Variants in USP30 observed in about 807,000 individuals in gnomAD.
USP30 encodes ubiquitin carboxyl-terminal hydrolase 30.
Under a neutral mutation model 68.2 loss-of-function variants are expected in USP30, and 41 were observed. The observed-to-expected ratio is 0.60, with a 90% CI of 0.47 to 0.78. The LOEUF (loss-of-function observed/expected upper bound fraction) is 0.78. USP30 is among the 30% of genes least tolerant of loss of function. USP30 has a pLI of 0.00. For missense variants in USP30, 522 were observed against 649.4 expected (o/e 0.80, Z 2.13); for synonymous variants, 229 against 253.7 (o/e 0.90, Z 0.93).
chr12:109,081,474 C>T, intron 8 of USP30, 81 bp downstream of exon 8: 1 of 1,421,908 alleles, frequency 7.0e-7, no homozygotes, highest in Non-Finnish European at 9.9e-7. Flanking sequence ...TTTTATGTGG[C>T]TCAGGCACTA....
At chr12:109,071,337 G>C (rs1431267671) in intron 4 of USP30, among the ~76,000 whole-genome samples, 1 of 152,204 alleles carries the variant, frequency 6.6e-6, no homozygotes, top group Non-Finnish European at 1.5e-5. Context: ...GGAGGTCAAG[G>C]CTGTCTCAGT....
chr12:109,040,501 A>G (rs1449419054), intron 3 of USP30, among the ~76,000 whole-genome samples: 1 of 152,202 alleles, frequency 6.6e-6, no homozygotes, highest in African/African-American at 2.4e-5. Context: ...TTGTTATCCC[A>G]CACAGTTTCT....
rs754892664 is a variant in USP30, at chr12:109,082,760, C to T, written c.948+17C>T. 11 of 1,612,592 alleles carry T rather than the reference C, an allele frequency of 6.8e-6. No individual in the cohort carries two copies. Among genetic ancestry groups the T allele is most frequent in the Non-Finnish European group, 9.3e-6 (11 of 1,179,198 alleles). On this transcript the variant is annotated intron_variant, in intron 10 of 12. Coordinates refer to ENST00000257548, the MANE Select transcript of USP30 (RefSeq NM_032663.5). ...CTAGGGAAGGTGAGCCCACACTACA[C>T]ACCCTGTTGGCTTTGTTTTGAGGAC... is the stretch of plus-strand genomic sequence containing the variant.
chr12:109,056,857 T>C (rs1422415003), intron 2 of USP30, 66 bp downstream of exon 2: 2 of 1,167,896 alleles, frequency 1.7e-6, no homozygotes, highest in Admixed American at 2.6e-5. Context: ...CTGAAAACAG[T>C]ACAAAGAAGG....
intron 2 of USP30, 129 bp from the exon 3 acceptor site, chr12:109,057,797 T>G (rs2040922259): frequency 9.6e-7 from 1 of 1,042,210 alleles, no homozygotes; most frequent in Non-Finnish European, 1.4e-6. Context: ...CAGATCTCTG[T>G]GGATAAGGAT....
intron 7 of USP30, 138 bp from the exon 8 acceptor site, chr12:109,081,196 A>T: frequency 1.3e-6 from 1 of 743,252 alleles, no homozygotes; most frequent in Non-Finnish European, 2.2e-6. Context: ...ATAGAATTTT[A>T]TTCTAAGTAC....
At chr12:109,054,533 A>AAAAAAAT (rs1555256997) in intron 1 of USP30, 2 of 151,690 alleles carry the variant, frequency 1.3e-5, no homozygotes, top group African/African-American at 4.8e-5. Context: ...CTGTCTCAAA[A>AAAAAAAT]AAAAATAAAA....
chr12:109,076,841 C>T (rs1253856791), intron 7 of USP30, among the ~76,000 whole-genome samples: 1 of 150,346 alleles, frequency 6.7e-6, no homozygotes, highest in African/African-American at 2.4e-5. Flanking sequence ...ACGCCATTCT[C>T]CTGCCTCAGC....
At chr12:109,078,351 GAGGCC>G (rs927197024) in intron 7 of USP30, among the ~76,000 whole-genome samples, 3 of 151,946 alleles carry the variant, frequency 2.0e-5, no homozygotes, top group Admixed American at 1.3e-4. Context: ...TTGAACCCAG[GAGGCC>G]GATGTTGTGG....
chr12:109,068,026 G>A (rs112357511), intron 4 of USP30, among the ~76,000 whole-genome samples: 190 of 152,158 alleles, frequency 1.2e-3, no homozygotes, highest in African/African-American at 4.1e-3. Flanking sequence ...ATCAATCTTC[G>A]GAGCTTTGCT....
At chr12:109,082,053 G>A (rs1566106078) in intron 9 of USP30, 34 bp downstream of exon 9, 2 of 1,609,678 alleles carry the variant, frequency 1.2e-6, no homozygotes, top group Non-Finnish European at 1.7e-6. Context: ...ATCGCCAGCT[G>A]GCCTGTGTGT....
intron 3 of USP30, among the ~76,000 whole-genome samples, chr12:109,034,693 T>C (rs759355521): frequency 6.6e-6 from 1 of 152,236 alleles, no homozygotes; most frequent in Non-Finnish European, 1.5e-5. Context: ...TGTCTAGTTG[T>C]TCTATCCATT....
chr12:109,029,946 T>A (rs1185025860), intron 3 of USP30, among the ~76,000 whole-genome samples: 2 of 152,130 alleles, frequency 1.3e-5, no homozygotes, highest in Non-Finnish European at 2.9e-5. Context: ...CCTCCCATAA[T>A]CCCTCCTCTC....
At chr12:109,048,666 G>A (rs1162775445), upstream of USP30, among the ~76,000 whole-genome samples, 1 of 151,540 alleles carries the variant, frequency 6.6e-6, no homozygotes, top group African/African-American at 2.4e-5. Flanking sequence ...CTTGAACCTG[G>A]GAGGTGGAGG....
chr12:109,079,721 A>C (rs1407077758), intron 7 of USP30, among the ~76,000 whole-genome samples: 1 of 151,668 alleles, frequency 6.6e-6, no homozygotes, highest in Non-Finnish European at 1.5e-5. Flanking sequence ...TTTTCATCGT[A>C]ATCACTGTTG....
At chr12:109,060,964 A>G (rs2041046833) in intron 3 of USP30, among the ~76,000 whole-genome samples, 1 of 151,974 alleles carries the variant, frequency 6.6e-6, no homozygotes, top group African/African-American at 2.4e-5. Flanking sequence ...TTTTTTAAAA[A>G]AATAGAGATG....
chr12:109,071,492 T>G, intron 4 of USP30, 120 bp from the exon 5 acceptor site: 1 of 744,056 alleles, frequency 1.3e-6, no homozygotes, highest in African/African-American at 1.7e-5. Context: ...AGCTGGGCCT[T>G]GAGAAGGTAG....
At chr12:109,041,266 T>A (rs974907921) in intron 3 of USP30, among the ~76,000 whole-genome samples, 2 of 152,016 alleles carry the variant, frequency 1.3e-5, no homozygotes, top group Non-Finnish European at 1.5e-5. Context: ...ACCCATAAAT[T>A]AACAACAAAT....
rs2041842723 is a variant in USP30, at chr12:109,082,856, T to A, written c.962T>A (p.Leu321His). 3 of 1,613,934 alleles carry A rather than the reference T, an allele frequency of 1.9e-6. No homozygotes were observed. The highest frequency in any genetic ancestry group is 2.5e-6 in the Non-Finnish European group (3 of 1,179,832). Reference protein sequence around the residue: ...QLKLGKLPQCLCIHLQRLSWS... With the variant: ...QLKLGKLPQCHCIHLQRLSWS... ...TTCCACCCGCAGCTCCCTCAGTGTC[T>A]CTGCATCCACCTACAGCGGCTGAGC... The change falls in exon 11 of 13, where the codon CTC becomes CAC. Residue 321 changes from leucine (L) to histidine (H), a missense_variant. By Grantham distance (99) the Leu-to-His change is moderately conservative. Transcript: ENST00000257548.
Sources: allele counts gnomAD v4.1 joint callset (sites outside exome capture counted in the v4.1 genomes callset), GRCh38; gene constraint gnomAD v4.1.1; transcripts MANE v1.5; gene names NCBI Gene and HGNC (gene_info 2026-07-23, HGNC 2026-07-21).